PTPRG: variants seen among roughly 807,000 people sequenced by gnomAD.
The protein encoded by PTPRG is receptor-type tyrosine-protein phosphatase gamma.
In PTPRG, 102 loss-of-function variants were observed where a neutral mutation model predicts 165.3. The observed-to-expected ratio is 0.62, with a 90% CI of 0.53 to 0.73. The LOEUF is 0.73. Ranked by LOEUF, PTPRG falls within the 30% of genes least tolerant of loss-of-function variation. The pLI is 0.00. For synonymous variants in PTPRG, 675 were observed against 669.5 expected, an observed-to-expected ratio of 1.01 and a Z score of -0.13; for missense variants, 1,866 against 1,861.4, an observed-to-expected ratio of 1.00 and a Z score of -0.05.
chr3:62,025,965 A>G (rs574670670), intron 4 of PTPRG, among the ~76,000 whole-genome samples: 2 of 152,180 alleles, frequency 1.3e-5, no homozygotes, highest in Non-Finnish European at 2.9e-5. Flanking sequence ...GCAATGCTTT[A>G]TTGTCATGAT....
At chr3:61,908,319 G>C (rs973566587) in intron 2 of PTPRG, among the ~76,000 whole-genome samples, 1 of 150,302 alleles carries the variant, frequency 6.7e-6, no homozygotes, top group Non-Finnish European at 1.5e-5. Flanking sequence ...CCAGCTACTC[G>C]GGAGGCTGAG....
intron 2 of PTPRG, among the ~76,000 whole-genome samples, chr3:61,801,008 T>C (rs2035212325): frequency 6.6e-6 from 1 of 152,126 alleles, no homozygotes; most frequent in African/African-American, 2.4e-5. Flanking sequence ...CTGCTGAAGC[T>C]TTGCAGTGCT....
intron 28 of PTPRG, among the ~76,000 whole-genome samples, chr3:62,286,292 T>A (rs1459700886): frequency 6.6e-6 from 1 of 152,170 alleles, no homozygotes; most frequent in Non-Finnish European, 1.5e-5. Flanking sequence ...TTTCATGTTG[T>A]CTTCTTCCCT....
chr3:61,871,516 T>TAA (rs748716550), intron 2 of PTPRG, among the ~76,000 whole-genome samples: 24 of 152,164 alleles, frequency 1.6e-4, no homozygotes, highest in Non-Finnish European at 3.1e-4. Context: ...TTTTACTGTT[T>TAA]AAAAGCATAA....
intron 1 of PTPRG, among the ~76,000 whole-genome samples, chr3:61,645,152 G>A (rs1428112936): frequency 1.3e-5 from 2 of 152,132 alleles, no homozygotes; most frequent in East Asian, 3.9e-4. Flanking sequence ...CAAATAGAAG[G>A]CCAGAGTTAC....
At chr3:61,661,478 T>C (rs1425085077) in intron 1 of PTPRG, among the ~76,000 whole-genome samples, 2 of 152,204 alleles carry the variant, frequency 1.3e-5, no homozygotes, top group African/African-American at 4.8e-5. Flanking sequence ...GTTTAGAATA[T>C]GTAAAGCATT....
chr3:62,196,987 C>G (rs369819751), intron 10 of PTPRG, among the ~76,000 whole-genome samples: 61 of 152,312 alleles, frequency 4.0e-4, no homozygotes, highest in African/African-American at 1.4e-3. Context: ...AGAATCTTAC[C>G]TGGGGCAGGG....
intron 4 of PTPRG, among the ~76,000 whole-genome samples, chr3:62,017,144 T>G (rs2041565781): frequency 6.6e-6 from 1 of 152,186 alleles, no homozygotes; most frequent in Admixed American, 6.5e-5. Context: ...CATAACAGCG[T>G]AAGCAGTGTT....
chr3:62,094,221 G>T (rs537133563), intron 5 of PTPRG, among the ~76,000 whole-genome samples: 16 of 152,150 alleles, frequency 1.1e-4, no homozygotes, highest in African/African-American at 3.9e-4. Context: ...TCAATATTAG[G>T]CTGCCTCCTA....
intron 1 of PTPRG, among the ~76,000 whole-genome samples, chr3:61,610,799 CTCTT>C (rs1209535083): frequency 5.7e-5 from 8 of 140,726 alleles, no homozygotes; most frequent in African/African-American, 2.1e-4. Flanking sequence ...CTCTCCATCT[CTCTT>C]TCTCTATCTC....
intron 1 of PTPRG, among the ~76,000 whole-genome samples, chr3:61,737,681 G>A (rs960114196): frequency 2.0e-5 from 3 of 152,066 alleles, no homozygotes; most frequent in South Asian, 2.1e-4. Flanking sequence ...ATGATACGGT[G>A]TTTTAAGCAA....
chr3:62,268,852 T>G (rs556118045), intron 19 of PTPRG, among the ~76,000 whole-genome samples, 183 bp from the exon 20 acceptor site: 2 of 152,170 alleles, frequency 1.3e-5, no homozygotes, highest in African/African-American at 4.8e-5. Flanking sequence ...CACAAACTTA[T>G]CCCAAGCCAT....
At chr3:62,014,229 C>G (rs1389621355) in intron 4 of PTPRG, among the ~76,000 whole-genome samples, 2 of 152,064 alleles carry the variant, frequency 1.3e-5, no homozygotes, top group Non-Finnish European at 2.9e-5. Flanking sequence ...TTCATTGCAC[C>G]CCCCCTTTAA....
chr3:61,802,117 G>C (rs1268121174), intron 2 of PTPRG, among the ~76,000 whole-genome samples: 3 of 151,698 alleles, frequency 2.0e-5, no homozygotes, highest in Non-Finnish European at 2.9e-5. Flanking sequence ...TTAGCACCAA[G>C]ATACATGCTG....
At chr3:61,797,581 A>ACCCCCC (rs10541580) in intron 2 of PTPRG, among the ~76,000 whole-genome samples, 1,571 of 127,114 alleles carry the variant, frequency 0.012, no homozygotes, top group Non-Finnish European at 0.014. Flanking sequence ...TTATCTCCAC[A>ACCCCCC]CCCCCCCCCA....
rs1553676833 is a variant in PTPRG at position 61,826,848 on chromosome 3, T to TC, written c.190+77868dup. On this transcript the variant is annotated intron_variant, in intron 2 of 29. Transcript: ENST00000474889. ...ATGGAAAGGTTTTTTTTTTTTTTTT[T>TC]CCGATTATGTGGTGGCAAAACCTAA... Among the ~76,000 whole-genome samples, 31 of 151,192 alleles carry TC rather than the reference T, an allele frequency of 2.1e-4. No individual in the cohort carries two copies. The South Asian group carries it at 2.5e-3, about 12-fold the overall frequency.
chr3:62,146,569 C>T (rs1258979273), intron 6 of PTPRG, among the ~76,000 whole-genome samples: 2 of 151,658 alleles, frequency 1.3e-5, no homozygotes, highest in Non-Finnish European at 2.9e-5. Flanking sequence ...AAGTAAATTC[C>T]ATACCTCCAT....
At chr3:62,193,455 T>A (rs1387893626) in intron 9 of PTPRG, among the ~76,000 whole-genome samples, 1 of 152,122 alleles carries the variant, frequency 6.6e-6, no homozygotes, top group Non-Finnish European at 1.5e-5. Context: ...ACACACAAAA[T>A]TAATTTTTCT....
In PTPRG at chr3:62,097,661, A is replaced by G. The variant is rs188786502; in HGVS notation, c.615+19403A>G. ...CCAGTCTTTTGTACCATCTGTATCT[A>G]GCATACTTATAAAATAGAACAAAGT... On this transcript the variant is annotated intron_variant, in intron 5 of 29. Transcript: ENST00000474889. Among the ~76,000 whole-genome samples the G allele has an allele frequency of 9.1e-3, 1,383 of 152,350 alleles. 23 individuals are homozygous for G. The highest frequency in any genetic ancestry group is 0.032 in the African/African-American group (1,325 of 41,582).
Sources: allele counts gnomAD v4.1 joint callset (sites outside exome capture counted in the v4.1 genomes callset), GRCh38; gene constraint gnomAD v4.1.1; transcripts MANE v1.5; gene names NCBI Gene and HGNC (gene_info 2026-07-23, HGNC 2026-07-21).